The following FHIT variants were observed in gnomAD, a reference collection of about 807,000 sequenced individuals.
The protein encoded by FHIT is bis(5'-adenosyl)-triphosphatase.
In FHIT, 19 loss-of-function variants were observed where a neutral mutation model predicts 17.9. That is an observed-to-expected ratio of 1.06 (90% CI 0.74 to 1.56). The LOEUF is 1.56. Among genes scored for constraint, FHIT ranks in the 40% most tolerant of loss-of-function variants. FHIT has a pLI of 0.00. For missense variants in FHIT, 248 were observed against 189.2 expected (o/e 1.31, Z -1.82); for synonymous variants, 81 against 69.7 (o/e 1.16, Z -0.81).
intron 4 of FHIT, among the ~76,000 whole-genome samples, chr3:60,742,815 G>C (rs2042266066): frequency 6.6e-6 from 1 of 152,206 alleles, no homozygotes; most frequent in Non-Finnish European, 1.5e-5. Flanking sequence ...GATATCAAAT[G>C]ACAGTATACC....
At chr3:60,257,405 T>A (rs1706055895) in intron 5 of FHIT, among the ~76,000 whole-genome samples, 2 of 152,156 alleles carry the variant, frequency 1.3e-5, no homozygotes, top group East Asian at 3.9e-4. Flanking sequence ...TCCATTCACA[T>A]CCTGCATGGA....
At chr3:59,840,245 TATAAG>T (rs1231606062) in intron 8 of FHIT, among the ~76,000 whole-genome samples, 3 of 152,146 alleles carry the variant, frequency 2.0e-5, no homozygotes, top group Non-Finnish European at 4.4e-5. Flanking sequence ...ACTGTGTAAT[TATAAG>T]ATAATGTCTT....
Position 60,398,549 on chromosome 3 carries a change from C to A in FHIT, c.103+138311G>T, listed in dbSNP as rs180701343. ...AGGGTCAGTCACATAGGTATTAATG[C>A]CACACCCACCCTCCACAATCAGTTA... On this transcript the variant is annotated intron_variant, in intron 5 of 9. Coordinates refer to ENST00000492590, the MANE Select transcript of FHIT (RefSeq NM_002012.4). 7.9e-5 allele frequency among the ~76,000 whole-genome samples: 12 copies of A among 152,220 alleles called. 1 individual carries two copies. The highest frequency in any genetic ancestry group is 4.6e-4 in the Admixed American group (7 of 15,276).
chr3:61,173,078 A>T (rs1277177406), intron 2 of FHIT, among the ~76,000 whole-genome samples: 1 of 151,492 alleles, frequency 6.6e-6, no homozygotes, highest in East Asian at 1.9e-4. Context: ...GGATGTCAGA[A>T]GCTGCTAAAT....
chr3:60,727,866 T>C lies in FHIT; in HGVS notation c.-18+94053A>G, dbSNP rs947788028. Reference sequence around the variant, plus strand: ...AAAAATACAAAAAATTAGCTGGGCATGGTGGCGGGTGCCTGCGGTCCCAGC... The same window carrying C: ...AAAAATACAAAAAATTAGCTGGGCACGGTGGCGGGTGCCTGCGGTCCCAGC... On this transcript the variant is annotated intron_variant, in intron 4 of 9. Coordinates refer to ENST00000492590, the MANE Select transcript of FHIT (RefSeq NM_002012.4). Among the ~76,000 whole-genome samples the C allele has an allele frequency of 5.9e-5, 9 of 152,148 alleles. No individual in the cohort carries two copies. In the East Asian group the frequency reaches 1.7e-3, roughly 29 times the overall value.
intron 5 of FHIT, among the ~76,000 whole-genome samples, chr3:60,215,342 G>A (rs1467111219): frequency 6.6e-6 from 1 of 151,986 alleles, no homozygotes; most frequent in African/African-American, 2.4e-5. Context: ...AGCTAGGCAT[G>A]GTGGTGCACA....
At chr3:60,377,250 G>A (rs547076695) in intron 5 of FHIT, among the ~76,000 whole-genome samples, 2 of 150,408 alleles carry the variant, frequency 1.3e-5, no homozygotes, top group South Asian at 2.1e-4. Context: ...CCAGGCCGGA[G>A]TGCAGTGGTG....
chr3:60,199,623 C>T (rs1443287779), intron 5 of FHIT, among the ~76,000 whole-genome samples: 1 of 152,146 alleles, frequency 6.6e-6, no homozygotes, highest in African/African-American at 2.4e-5. Flanking sequence ...TCTGTAGTTT[C>T]TCCTAAGACT....
chr3:61,065,928 T>C (rs761414324), intron 2 of FHIT, among the ~76,000 whole-genome samples: 3 of 152,164 alleles, frequency 2.0e-5, no homozygotes, highest in African/African-American at 4.8e-5. Context: ...TTAGTCTGCT[T>C]TGTGCCGCTA....
At chr3:60,666,864 C>CTTTTTT (rs71092626) in intron 4 of FHIT, among the ~76,000 whole-genome samples, 1 of 122,186 alleles carries the variant, frequency 8.2e-6, no homozygotes, top group Non-Finnish European at 1.6e-5. Context: ...CTTTTCTTTT[C>CTTTTTT]TTTTTTTTTT....
At chr3:60,387,916 A>C (rs1340117269) in intron 5 of FHIT, among the ~76,000 whole-genome samples, 1 of 152,006 alleles carries the variant, frequency 6.6e-6, no homozygotes, top group African/African-American at 2.4e-5. Context: ...TTCTCAAAGG[A>C]GTGAGCCCTC....
At chr3:60,053,279 T>A (rs1427162153) in intron 5 of FHIT, among the ~76,000 whole-genome samples, 1 of 151,282 alleles carries the variant, frequency 6.6e-6, no homozygotes, top group Non-Finnish European at 1.5e-5. Context: ...CATATATATA[T>A]GTCAGTCCAT....
chr3:60,478,622 T>C (rs1284126676), intron 5 of FHIT, among the ~76,000 whole-genome samples: 1 of 152,162 alleles, frequency 6.6e-6, no homozygotes. Context: ...AGGGTAAGGA[T>C]GCCACTAAAA....
intron 8 of FHIT, among the ~76,000 whole-genome samples, chr3:59,849,675 G>A (rs1701858613): frequency 1.3e-5 from 2 of 152,168 alleles, no homozygotes; most frequent in Non-Finnish European, 2.9e-5. Flanking sequence ...ATGTTTAGGA[G>A]GAAGGAGCTA....
chr3:61,178,621 C>T (rs1289279594), intron 2 of FHIT, among the ~76,000 whole-genome samples: 1 of 151,524 alleles, frequency 6.6e-6, no homozygotes, highest in African/African-American at 2.4e-5. Flanking sequence ...AAGATATAGC[C>T]TTAGGTTCAA....
chr3:59,769,401 C>G (rs1167303738), intron 8 of FHIT, among the ~76,000 whole-genome samples: 1 of 152,176 alleles, frequency 6.6e-6, no homozygotes, highest in Non-Finnish European at 1.5e-5. Context: ...TGCATCCCAC[C>G]CTGTAGAAGG....
intron 3 of FHIT, among the ~76,000 whole-genome samples, chr3:60,947,464 A>G (rs782660512): frequency 9.9e-5 from 15 of 152,136 alleles, no homozygotes; most frequent in Non-Finnish European, 2.1e-4. Context: ...CTGTTAAAAG[A>G]TTTTGTTGTC....
chr3:60,232,021 T>C (rs886797354), intron 5 of FHIT, among the ~76,000 whole-genome samples: 6 of 152,244 alleles, frequency 3.9e-5, no homozygotes, highest in South Asian at 2.1e-4. Context: ...CATTAACTTA[T>C]ACATGCCAAT....
At chr3:60,541,066 C>T (rs1201949281) in intron 4 of FHIT, among the ~76,000 whole-genome samples, 1 of 152,192 alleles carries the variant, frequency 6.6e-6, no homozygotes, top group Non-Finnish European at 1.5e-5. Flanking sequence ...TGACCAAACC[C>T]AACTATCCTC....
Sources: allele counts gnomAD v4.1 joint callset (sites outside exome capture counted in the v4.1 genomes callset), GRCh38; gene constraint gnomAD v4.1.1; transcripts MANE v1.5; gene names NCBI Gene and HGNC (gene_info 2026-07-23, HGNC 2026-07-21).